Variants in COL8A1 observed in about 807,000 individuals in gnomAD.
COL8A1 encodes collagen type VIII alpha 1 chain.
Under a neutral mutation model 42.7 loss-of-function variants are expected in COL8A1, and 21 were observed. That is an observed-to-expected ratio of 0.49 (90% confidence interval 0.35 to 0.71). The LOEUF (loss-of-function observed/expected upper bound fraction) is 0.71. COL8A1 is among the 30% of genes least tolerant of loss of function. The probability of loss-of-function intolerance (pLI) is 0.01; values close to 1 mark genes in which losing one functional copy is unlikely to be tolerated. For missense variants in COL8A1, 788 were observed against 962.4 expected, an observed-to-expected ratio of 0.82 and a Z score of 2.40; for synonymous variants, 367 against 369.1, an observed-to-expected ratio of 0.99 and a Z score of 0.06.
intron 1 of COL8A1, among the ~76,000 whole-genome samples, chr3:99,642,337 G>C (rs1217983002): frequency 1.3e-5 from 2 of 152,184 alleles, no homozygotes; most frequent in African/African-American, 4.8e-5. Flanking sequence ...AGGTTAGAAT[G>C]TCTACAAGCC....
At position 99,703,117 on chromosome 3, in the gene COL8A1, T is replaced by G. The variant is rs182237560; in HGVS notation, c.-128-41780T>G. Among the ~76,000 whole-genome samples, 30 of 152,282 alleles carry G rather than the reference T, an allele frequency of 2.0e-4. No individual in the cohort carries two copies. In the East Asian group the frequency reaches 5.8e-3, roughly 29 times the overall value. On this transcript the variant is annotated intron_variant, in intron 1 of 3. Coordinates refer to ENST00000652472, the MANE Select transcript of COL8A1 (RefSeq NM_020351.4). ...CATAATGCATCAGCAAGACCTTGGT[T>G]TTCACACTAATGAAGATAAGGAACT... is the stretch of plus-strand genomic sequence containing the variant.
chr3:99,749,875 C>T (rs1310217563), intron 2 of COL8A1, among the ~76,000 whole-genome samples: 1 of 151,658 alleles, frequency 6.6e-6, no homozygotes, highest in Non-Finnish European at 1.5e-5. Context: ...CTAAGAAAAT[C>T]ACAAAATAAT....
chr3:99,718,318 G>A (rs1006261140), intron 1 of COL8A1, among the ~76,000 whole-genome samples: 6 of 152,156 alleles, frequency 3.9e-5, no homozygotes, highest in Non-Finnish European at 7.4e-5. Context: ...ACATTGTGAT[G>A]AATGAGCTCA....
chr3:99,683,236 C>A (rs1448907065), intron 1 of COL8A1, among the ~76,000 whole-genome samples: 2 of 152,104 alleles, frequency 1.3e-5, no homozygotes, highest in Non-Finnish European at 2.9e-5. Flanking sequence ...TTCTACAAGT[C>A]AAAGTCTGTC....
chr3:99,721,356 G>A (rs1940145333), intron 1 of COL8A1, among the ~76,000 whole-genome samples: 1 of 116,262 alleles, frequency 8.6e-6, no homozygotes, highest in African/African-American at 3.3e-5. Context: ...TGGCACAGAA[G>A]CCACAATTTA....
At chr3:99,764,701 C>CTTTTTTTTTTTT (rs10648559) in intron 2 of COL8A1, among the ~76,000 whole-genome samples, 178 of 124,964 alleles carry the variant, frequency 1.4e-3, no homozygotes, top group African/African-American at 1.9e-3. Context: ...TCTTTTTTTT[C>CTTTTTTTTTTTT]TTTTTTTTTT....
chr3:99,734,595 C>T (rs1940640008), intron 1 of COL8A1, among the ~76,000 whole-genome samples: 1 of 152,064 alleles, frequency 6.6e-6, no homozygotes, highest in Admixed American at 6.6e-5. Flanking sequence ...ATGCCTCCAG[C>T]TTTGCTCTTT....
At chr3:99,731,644 G>T (rs1379641335) in intron 1 of COL8A1, among the ~76,000 whole-genome samples, 1 of 152,160 alleles carries the variant, frequency 6.6e-6, no homozygotes, top group Non-Finnish European at 1.5e-5. Flanking sequence ...AGCAAGAGTA[G>T]AGGTGTGTTT....
At chr3:99,702,337 C>A (rs1169872450) in intron 1 of COL8A1, among the ~76,000 whole-genome samples, 1 of 152,126 alleles carries the variant, frequency 6.6e-6, no homozygotes, top group African/African-American at 2.4e-5. Flanking sequence ...ATGAAGTATG[C>A]CGAACTTAAC....
At chr3:99,742,389 A>G (rs191033812) in intron 1 of COL8A1, among the ~76,000 whole-genome samples, 93 of 152,344 alleles carry the variant, frequency 6.1e-4, no homozygotes, top group Non-Finnish European at 1.1e-3. Context: ...TGAGTTACAC[A>G]TTGCCTGTGT....
At chr3:99,734,670 T>A (rs540439366) in intron 1 of COL8A1, among the ~76,000 whole-genome samples, 223 of 152,144 alleles carry the variant, frequency 1.5e-3, no homozygotes, top group African/African-American at 5.2e-3. Context: ...AAAGTAGTTT[T>A]TTCCAATTCT....
intron 1 of COL8A1, among the ~76,000 whole-genome samples, chr3:99,726,525 T>C (rs1354633747): frequency 2.0e-5 from 3 of 151,874 alleles, no homozygotes; most frequent in Admixed American, 2.0e-4. Context: ...GGTTTTCTTC[T>C]AGGGTTTTAA....
At chr3:99,709,844 A>G (rs1939786478) in intron 1 of COL8A1, among the ~76,000 whole-genome samples, 1 of 152,216 alleles carries the variant, frequency 6.6e-6, no homozygotes, top group Non-Finnish European at 1.5e-5. Context: ...CTTAAGATGC[A>G]AAGAATTTTC....
chr3:99,750,994 C>T (rs903528480), intron 2 of COL8A1, among the ~76,000 whole-genome samples: 1 of 152,168 alleles, frequency 6.6e-6, no homozygotes, highest in African/African-American at 2.4e-5. Context: ...ATAAACACAT[C>T]TTTGAGCTGG....
chr3:99,669,322 T>C (rs1938472389), intron 1 of COL8A1, among the ~76,000 whole-genome samples: 1 of 151,176 alleles, frequency 6.6e-6, no homozygotes, highest in African/African-American at 2.4e-5. Context: ...ACTAAGGAGG[T>C]TGTCATTTGA....
intron 2 of COL8A1, among the ~76,000 whole-genome samples, chr3:99,769,304 A>G (rs1379873911): frequency 6.6e-6 from 1 of 152,244 alleles, no homozygotes; most frequent in Non-Finnish European, 1.5e-5. Context: ...CCGAAGGACA[A>G]GAGCCATGGG....
At chr3:99,789,032 T>TA (rs1941948075) in intron 2 of COL8A1, among the ~76,000 whole-genome samples, 1 of 152,198 alleles carries the variant, frequency 6.6e-6, no homozygotes, top group Non-Finnish European at 1.5e-5. Context: ...AAAATGGGCC[T>TA]AGCAACTGTT....
At chr3:99,689,490 G>A (rs1215079920) in intron 1 of COL8A1, among the ~76,000 whole-genome samples, 4 of 152,100 alleles carry the variant, frequency 2.6e-5, no homozygotes, top group African/African-American at 9.7e-5. Flanking sequence ...ACCAGGCCCT[G>A]GAACCCATTT....
At chr3:99,758,418 AT>A (rs1361716213) in intron 2 of COL8A1, among the ~76,000 whole-genome samples, 1 of 152,188 alleles carries the variant, frequency 6.6e-6, no homozygotes, top group Non-Finnish European at 1.5e-5. Flanking sequence ...ACATAATTCC[AT>A]TACATTTATG....
Sources: allele counts gnomAD v4.1 joint callset (sites outside exome capture counted in the v4.1 genomes callset), GRCh38; gene constraint gnomAD v4.1.1; transcripts MANE v1.5; gene names NCBI Gene and HGNC (gene_info 2026-07-23, HGNC 2026-07-21).